The following FGF14 variants were observed in gnomAD, a reference collection of about 807,000 sequenced individuals.
FGF14 encodes fibroblast growth factor 14.
FGF14 carries 5 observed loss-of-function variants against 25.5 expected under a neutral mutation model. The observed-to-expected ratio is 0.20, with a 90% confidence interval of 0.10 to 0.41. The LOEUF is 0.41. Among genes scored for constraint, FGF14 ranks in the 10% least tolerant of loss-of-function variants. The pLI, the probability that FGF14 is intolerant of heterozygous loss-of-function variation, is 1.00. For missense variants in FGF14, 222 were observed against 320.1 expected (o/e 0.69, Z 2.34); for synonymous variants, 138 against 118.3 (o/e 1.17, Z -1.08).
chr13:102,105,264 C>A lies in FGF14; in HGVS notation c.209-229968G>T, dbSNP rs375378643. Among the ~76,000 whole-genome samples, 10 of 152,110 alleles carry A rather than the reference C, an allele frequency of 6.6e-5. No homozygotes were observed. The East Asian group carries it at 1.7e-3, about 27-fold the overall frequency. ...GAAAGTATTTTTCCATTGTTTCAGG[C>A]AAAAATCCTTATTTTTTTAAGAGAA... On this transcript the variant is annotated intron_variant, in intron 1 of 4. Transcript: ENST00000376131.
intron 3 of FGF14, among the ~76,000 whole-genome samples, chr13:101,839,581 G>A (rs906886561): frequency 6.6e-6 from 1 of 151,966 alleles, no homozygotes; most frequent in Non-Finnish European, 1.5e-5. Flanking sequence ...ATGGAGTACA[G>A]GAGATGTTTT....
chr13:101,783,195 G>C (rs758246701), intron 3 of FGF14, among the ~76,000 whole-genome samples: 1 of 151,974 alleles, frequency 6.6e-6, no homozygotes, highest in Non-Finnish European at 1.5e-5. Flanking sequence ...GTGTTGGCCG[G>C]GCGCGGTGGC....
intron 1 of FGF14, among the ~76,000 whole-genome samples, chr13:102,173,176 A>G (rs889236819): frequency 6.6e-6 from 1 of 152,178 alleles, no homozygotes; most frequent in Non-Finnish European, 1.5e-5. Context: ...AAAAATGGGC[A>G]AAGGACTGGA....
At chr13:101,883,350 A>G (rs2045816489) in intron 1 of FGF14, among the ~76,000 whole-genome samples, 1 of 152,208 alleles carries the variant, frequency 6.6e-6, no homozygotes, top group African/African-American at 2.4e-5. Flanking sequence ...CAGCCACAGA[A>G]ATACAACATT....
At chr13:102,041,579 C>T (rs2041741357) in intron 1 of FGF14, among the ~76,000 whole-genome samples, 1 of 97,382 alleles carries the variant, frequency 1.0e-5, no homozygotes, top group Non-Finnish European at 1.8e-5. Flanking sequence ...TTTGTGTTTC[C>T]ATGTAAAAAA....
intron 3 of FGF14, among the ~76,000 whole-genome samples, chr13:101,830,714 T>A (rs896709784): frequency 1.3e-5 from 2 of 152,104 alleles, no homozygotes; most frequent in African/African-American, 4.8e-5. Flanking sequence ...CTTAGGGGCC[T>A]AAAGCAACAC....
intron 3 of FGF14, among the ~76,000 whole-genome samples, chr13:101,761,659 T>C (rs2038036246): frequency 6.6e-6 from 1 of 152,194 alleles, no homozygotes; most frequent in Non-Finnish European, 1.5e-5. Flanking sequence ...TAATAAATGT[T>C]AGAGATGATG....
intron 1 of FGF14, among the ~76,000 whole-genome samples, chr13:102,252,970 C>T (rs781220420): frequency 2.3e-4 from 35 of 152,114 alleles, no homozygotes; most frequent in Non-Finnish European, 3.5e-4. Flanking sequence ...GTTTCCAGCT[C>T]CATCCATGTC....
At chr13:101,735,095 G>A (rs2036084973) in intron 3 of FGF14, among the ~76,000 whole-genome samples, 1 of 152,138 alleles carries the variant, frequency 6.6e-6, no homozygotes, top group Admixed American at 6.5e-5. Flanking sequence ...AGGAGAGAGA[G>A]AGTGGGGAGC....
intron 1 of FGF14, among the ~76,000 whole-genome samples, chr13:102,146,846 T>G (rs1412822506): frequency 6.6e-6 from 1 of 152,106 alleles, no homozygotes; most frequent in Non-Finnish European, 1.5e-5. Context: ...GAGAACGAAT[T>G]GTATGAAACA....
At chr13:101,726,212 C>T (rs186414774) in intron 4 of FGF14, among the ~76,000 whole-genome samples, 153 of 151,922 alleles carry the variant, frequency 1.0e-3, no homozygotes, top group African/African-American at 3.5e-3. Flanking sequence ...CTTTTGATTC[C>T]ACGCTCAAAA....
chr13:102,207,555 A>C (rs1282513752), intron 1 of FGF14, among the ~76,000 whole-genome samples: 1 of 151,478 alleles, frequency 6.6e-6, no homozygotes, highest in Non-Finnish European at 1.5e-5. Context: ...GGTCTTGAAA[A>C]AAAAATAACA....
chr13:102,106,156 G>A (rs1054792091), intron 1 of FGF14, among the ~76,000 whole-genome samples: 18 of 152,136 alleles, frequency 1.2e-4, no homozygotes, highest in African/African-American at 3.9e-4. Context: ...AATTTAGTTT[G>A]AATATTTTTA....
chr13:102,050,089 T>C (rs772186578), intron 1 of FGF14, among the ~76,000 whole-genome samples: 2 of 152,154 alleles, frequency 1.3e-5, no homozygotes, highest in Non-Finnish European at 2.9e-5. Context: ...TTCTTAGTTA[T>C]AAAAGCTATA....
At chr13:101,790,250 A>C (rs1394397193) in intron 3 of FGF14, among the ~76,000 whole-genome samples, 2 of 151,970 alleles carry the variant, frequency 1.3e-5, no homozygotes, top group Admixed American at 6.6e-5. Flanking sequence ...ATTAGTAATC[A>C]AGGCATTCCA....
chr13:101,909,806 G>A (rs148331057), intron 1 of FGF14, among the ~76,000 whole-genome samples: 37 of 152,146 alleles, frequency 2.4e-4, no homozygotes, highest in African/African-American at 7.7e-4. Flanking sequence ...TGTTTCTTGC[G>A]GCACTATTCA....
At chr13:102,186,874 G>A (rs139906095) in intron 1 of FGF14, among the ~76,000 whole-genome samples, 76 of 152,174 alleles carry the variant, frequency 5.0e-4, no homozygotes, top group Admixed American at 1.2e-3. Context: ...GGCACACACC[G>A]GAGTTATACA....
chr13:102,119,399 T>G (rs1346074391), intron 1 of FGF14, among the ~76,000 whole-genome samples: 2 of 152,042 alleles, frequency 1.3e-5, no homozygotes, highest in Non-Finnish European at 2.9e-5. Flanking sequence ...CAATAACCAA[T>G]GCAATGCAAT....
At chr13:101,800,206 C>T (rs2040794261) in intron 3 of FGF14, among the ~76,000 whole-genome samples, 1 of 152,116 alleles carries the variant, frequency 6.6e-6, no homozygotes, top group Non-Finnish European at 1.5e-5. Flanking sequence ...TGGGACTACC[C>T]TCCCCTTTGT....
Sources: allele counts gnomAD v4.1 joint callset (sites outside exome capture counted in the v4.1 genomes callset), GRCh38; gene constraint gnomAD v4.1.1; transcripts MANE v1.5; gene names NCBI Gene and HGNC (gene_info 2026-07-23, HGNC 2026-07-21).